The following VTI1A variants were observed in gnomAD, a reference collection of about 807,000 sequenced individuals.
VTI1A encodes the protein vesicle transport through interaction with t-SNAREs 1A, also known as vesicle transport through interaction with t-SNAREs homolog 1A.
VTI1A carries 22 observed loss-of-function variants against 34.9 expected under a neutral mutation model. The observed-to-expected ratio is 0.63, with a 90% CI of 0.45 to 0.90. The LOEUF (loss-of-function observed/expected upper bound fraction) is 0.90. Among genes scored for constraint, VTI1A ranks in the 40% least tolerant of loss-of-function variants. The pLI is 0.00. For synonymous variants in VTI1A, 87 were observed against 97.3 expected (o/e 0.89, Z 0.62); for missense variants, 268 against 275.6 (o/e 0.97, Z 0.20).
chr10:112,751,856 A>T (rs1236073687), intron 7 of VTI1A, among the ~76,000 whole-genome samples: 2 of 152,204 alleles, frequency 1.3e-5, no homozygotes, highest in Non-Finnish European at 2.9e-5. Context: ...ACATTGAGGT[A>T]TTTAAATCCT....
At chr10:112,618,205 T>C (rs114142604) in intron 5 of VTI1A, among the ~76,000 whole-genome samples, 28 of 151,932 alleles carry the variant, frequency 1.8e-4, no homozygotes, top group African/African-American at 5.5e-4. Flanking sequence ...TTAACAGCTG[T>C]GAACTTGAGC....
chr10:112,540,528 G>A (rs1042568949), intron 5 of VTI1A, among the ~76,000 whole-genome samples: 1 of 152,176 alleles, frequency 6.6e-6, no homozygotes, highest in African/African-American at 2.4e-5. Context: ...GTACATGGAC[G>A]GGAGTCATCA....
At chr10:112,503,847 A>T in intron 3 of VTI1A, among the ~76,000 whole-genome samples, 1 of 152,210 alleles carries the variant, frequency 6.6e-6, no homozygotes, top group East Asian at 1.9e-4. Flanking sequence ...GATCTGCAGA[A>T]ACAGGATAGA....
At chr10:112,749,779 T>C (rs1311593905) in intron 7 of VTI1A, among the ~76,000 whole-genome samples, 1 of 152,172 alleles carries the variant, frequency 6.6e-6, no homozygotes, top group Non-Finnish European at 1.5e-5. Flanking sequence ...AAAATCCTTC[T>C]AGATACTGAC....
intron 7 of VTI1A, among the ~76,000 whole-genome samples, chr10:112,748,660 C>G (rs749645443): frequency 8.1e-6 from 1 of 123,420 alleles, no homozygotes; most frequent in Non-Finnish European, 1.6e-5. Flanking sequence ...GAGTCTCGCT[C>G]TGTCGCCCAG....
intron 5 of VTI1A, among the ~76,000 whole-genome samples, chr10:112,597,280 C>T (rs561946213): frequency 1.5e-4 from 23 of 152,242 alleles, no homozygotes; most frequent in Admixed American, 3.9e-4. Flanking sequence ...TGCAATGATG[C>T]GGTCTCGGCT....
At chr10:112,537,311 G>GTATAGATATATATATATA (rs1850672812) in intron 4 of VTI1A, among the ~76,000 whole-genome samples, 1 of 65,222 alleles carries the variant, frequency 1.5e-5, no homozygotes, top group East Asian at 3.3e-4. Context: ...AAGTATCTAG[G>GTATAGATATATATATATA]TATATATATA....
intron 3 of VTI1A, among the ~76,000 whole-genome samples, chr10:112,487,991 A>G (rs538626962): frequency 6.6e-6 from 1 of 152,326 alleles, no homozygotes; most frequent in South Asian, 2.1e-4. Flanking sequence ...AATTATGCAA[A>G]GAAATGTTCA....
intron 5 of VTI1A, among the ~76,000 whole-genome samples, chr10:112,594,762 T>C (rs1844552320): frequency 6.6e-6 from 1 of 151,130 alleles, no homozygotes. Context: ...TTCAATGCCA[T>C]CCCCATCAAG....
intron 5 of VTI1A, among the ~76,000 whole-genome samples, chr10:112,655,593 A>C (rs907340824): frequency 6.6e-6 from 1 of 152,130 alleles, no homozygotes; most frequent in Admixed American, 6.5e-5. Context: ...GTGGTCTTTG[A>C]ATAAGACAAG....
At chr10:112,593,668 G>A (rs1004203270) in intron 5 of VTI1A, among the ~76,000 whole-genome samples, 4 of 152,184 alleles carry the variant, frequency 2.6e-5, no homozygotes, top group Admixed American at 6.5e-5. Context: ...AATACCAGGC[G>A]TCATAGGCTA....
chr10:112,830,856 T>A, the VTI1A span, among the ~76,000 whole-genome samples: 14 of 116,312 alleles, frequency 1.2e-4, no homozygotes, highest in African/African-American at 3.6e-4. Flanking sequence ...TATATTTTTT[T>A]TTTTTTTCTT....
chr10:112,838,649 T>C, the VTI1A span, among the ~76,000 whole-genome samples: 1 of 152,068 alleles, frequency 6.6e-6, no homozygotes, highest in Non-Finnish European at 1.5e-5. Flanking sequence ...ACCAGGTGAC[T>C]TGAAGGGCAA....
chr10:112,558,067 T>C (rs1173933726), intron 5 of VTI1A, among the ~76,000 whole-genome samples: 1 of 152,170 alleles, frequency 6.6e-6, no homozygotes, highest in East Asian at 1.9e-4. Flanking sequence ...ACCCCTCAAC[T>C]CCTGTTCATG....
At chr10:112,769,420 A>G (rs1479381636) in intron 7 of VTI1A, among the ~76,000 whole-genome samples, 1 of 152,230 alleles carries the variant, frequency 6.6e-6, no homozygotes, top group African/African-American at 2.4e-5. Context: ...CATAAGGAAG[A>G]AAGTGAGTTG....
intron 7 of VTI1A, among the ~76,000 whole-genome samples, chr10:112,671,200 C>T (rs1419846565): frequency 6.6e-6 from 1 of 152,170 alleles, no homozygotes; most frequent in Non-Finnish European, 1.5e-5. Context: ...CCTGTTACAA[C>T]CCTCCCATTC....
At chr10:112,721,171 GCT>G (rs1398270417) in intron 7 of VTI1A, among the ~76,000 whole-genome samples, 2 of 152,168 alleles carry the variant, frequency 1.3e-5, no homozygotes, top group African/African-American at 2.4e-5. Context: ...AATCTGCTGT[GCT>G]CTGTTTCTTC....
chr10:112,834,625 G>A, the VTI1A span, among the ~76,000 whole-genome samples: 5 of 152,214 alleles, frequency 3.3e-5, no homozygotes, highest in Admixed American at 1.3e-4. Flanking sequence ...CTCCTCCATC[G>A]CTCCCTCTTG....
chr10:112,516,266 T>C (rs894196373), intron 3 of VTI1A, among the ~76,000 whole-genome samples: 3 of 152,024 alleles, frequency 2.0e-5, no homozygotes, highest in Non-Finnish European at 4.4e-5. Flanking sequence ...TAATAAAAAA[T>C]GGCAATATCT....
Sources: allele counts gnomAD v4.1 joint callset (sites outside exome capture counted in the v4.1 genomes callset), GRCh38; gene constraint gnomAD v4.1.1; transcripts MANE v1.5; gene names NCBI Gene and HGNC (gene_info 2026-07-23, HGNC 2026-07-21).